TMEM47: variants seen among roughly 807,000 people sequenced by gnomAD.
TMEM47 encodes the protein transmembrane protein 47.
A neutral mutation model predicts 12.4 loss-of-function variants in TMEM47; 3 were observed. The observed-to-expected ratio is 0.24, with a 90% CI of 0.11 to 0.63. The LOEUF is 0.63. Among genes scored for constraint, TMEM47 ranks in the 20% least tolerant of loss-of-function variants. The pLI is 0.86. For synonymous variants in TMEM47, 62 were observed against 63.3 expected (o/e 0.98, Z 0.10); for missense variants, 89 against 143.8 (o/e 0.62, Z 1.95).
chrX:34,655,415 A>T (rs181044079), intron 1 of TMEM47, among the ~76,000 whole-genome samples: 18 of 111,965 alleles, frequency 1.6e-4, no homozygotes, highest in Admixed American at 7.6e-4. Flanking sequence ...CCCTGAAAGA[A>T]TTGAAGGACC....
chrX:34,637,845 G>A (rs1373551088), intron 2 of TMEM47, among the ~76,000 whole-genome samples: 1 of 110,449 alleles, frequency 9.1e-6, no homozygotes, highest in Non-Finnish European at 1.9e-5. Flanking sequence ...CACATGTCTC[G>A]GCAGAAAAAG....
intron 1 of TMEM47, among the ~76,000 whole-genome samples, chrX:34,642,874 T>C (rs962685257): frequency 1.8e-5 from 2 of 112,381 alleles, no homozygotes; most frequent in South Asian, 7.4e-4. Context: ...GTTGTCATTA[T>C]ATCCATTTGG....
At chrX:34,649,828 C>T (rs558813970) in intron 1 of TMEM47, among the ~76,000 whole-genome samples, 2 of 111,668 alleles carry the variant, frequency 1.8e-5, no homozygotes, top group South Asian at 7.7e-4. Flanking sequence ...CGGGTTCAAG[C>T]GATTCTCCTG....
At chrX:34,648,701 G>T (rs1921960097) in intron 1 of TMEM47, among the ~76,000 whole-genome samples, 1 of 111,699 alleles carries the variant, frequency 9.0e-6, no homozygotes, top group East Asian at 2.8e-4. Context: ...TTGAAAAATT[G>T]GATAAATTAA....
Position 34,630,356 on chromosome X carries a change from A to G in TMEM47, c.503T>C (p.Ile168Thr). The G allele has an allele frequency of 8.3e-7, 1 of 1,210,575 alleles. No individual in the cohort carries two copies. Among genetic ancestry groups the G allele is most frequent in the Non-Finnish European group, 1.1e-6 (1 of 894,986 alleles). Residue 168 changes from isoleucine to threonine, a missense_variant, in exon 3 of 3, where the codon ATC (isoleucine) becomes ACC (threonine). Coordinates refer to ENST00000275954, the MANE Select transcript of TMEM47 (RefSeq NM_031442.4). ...GTTCTTAGGGTTCAGGCAATAAAGG[A>G]TGGCACCCCCAAACGAAAATATAGT... ...GATIFSFGGA[I>T]LYCLNPKNYE...
At chrX:34,648,288 T>C (rs948211164) in intron 1 of TMEM47, among the ~76,000 whole-genome samples, 37 of 111,820 alleles carry the variant, frequency 3.3e-4, no homozygotes, top group African/African-American at 1.0e-3. Context: ...CTTCAAACTA[T>C]ACAACAGGGC....
chrX:34,634,648 T>C lies in TMEM47; in HGVS notation c.368-4157A>G, dbSNP rs779430602. 2.8e-3 allele frequency among the ~76,000 whole-genome samples: 309 copies of C among 112,231 alleles called. 2 individuals are homozygous for C. The highest frequency in any genetic ancestry group is 9.3e-3 in the African/African-American group (288 of 30,897). On this transcript the variant is annotated intron_variant, in intron 2 of 2. Transcript: ENST00000275954. Reference sequence around the variant, plus strand: ...TATAATATGTTCAACACACATTTACTGAGCTCAAACATTGTGCCAAGTACT... The same window carrying C: ...TATAATATGTTCAACACACATTTACCGAGCTCAAACATTGTGCCAAGTACT...
At chrX:34,644,718 T>C (rs1921879233) in intron 1 of TMEM47, among the ~76,000 whole-genome samples, 2 of 111,975 alleles carry the variant, frequency 1.8e-5, no homozygotes, top group Admixed American at 9.5e-5. Flanking sequence ...AAACAAGTTT[T>C]TAACCTCATA....
At chrX:34,642,649 C>T (rs1232446147) in intron 1 of TMEM47, among the ~76,000 whole-genome samples, 1 of 112,125 alleles carries the variant, frequency 8.9e-6, no homozygotes, top group Non-Finnish European at 1.9e-5. Flanking sequence ...GATGTAAAGT[C>T]AACAAGGAGA....
At chrX:34,648,219 C>T (rs923951197) in intron 1 of TMEM47, among the ~76,000 whole-genome samples, 3 of 111,629 alleles carry the variant, frequency 2.7e-5, no homozygotes, top group East Asian at 2.8e-4. Flanking sequence ...AAAAAGAGCC[C>T]GAATAGCAAA....
chrX:34,656,656 G>C, intron 1 of TMEM47, 148 bp downstream of exon 1: 1 of 1,037,816 alleles, frequency 9.6e-7, no homozygotes. Flanking sequence ...GGTGGCGGGA[G>C]CCCCAGGATC....
chrX:34,657,141 G>T lies in TMEM47; in HGVS notation c.-112C>A. 1 of 1,029,805 alleles carries T rather than the reference G, an allele frequency of 9.7e-7. No homozygotes were observed. Among genetic ancestry groups the T allele is most frequent in the Non-Finnish European group, 1.2e-6 (1 of 810,230 alleles). 84.9% of individuals were successfully genotyped at this position (1,029,805 alleles called of 1,213,427 possible). A position where few individuals can be genotyped will look rare whatever the true frequency, so the allele number is the denominator to read the frequency against. ...AAGCCGCCGAGCTGCCACGCGCGGG[G>T]ACTCGCTCCCTCGGGGCTCTGCGCG... On this transcript the variant is annotated 5_prime_UTR_variant, in exon 1 of 3. Transcript: ENST00000275954.
chrX:34,655,777 A>T (rs1444732215), intron 1 of TMEM47, among the ~76,000 whole-genome samples: 4 of 93,806 alleles, frequency 4.3e-5, no homozygotes, highest in Non-Finnish European at 6.3e-5. Flanking sequence ...TGTGTGTGTG[A>T]GAGAGAGAGA....
chrX:34,630,131 T>C lies in TMEM47; in HGVS notation c.*182A>G. On this transcript the variant is annotated 3_prime_UTR_variant, in exon 3 of 3. Transcript: ENST00000275954. ...AATCAGCTCTCTTAATTTGTGCAGA[T>C]TTCTAAAATGGATGTAAAAGCTGGT... The C allele has an allele frequency of 4.9e-6, 2 of 404,374 alleles. No homozygotes were observed. Among genetic ancestry groups the C allele is most frequent in the South Asian group, 7.2e-5 (1 of 13,918 alleles). 33.3% of individuals were successfully genotyped at this position (404,374 alleles called of 1,213,427 possible).
chrX:34,645,414 C>A (rs1015720459), intron 1 of TMEM47, among the ~76,000 whole-genome samples: 1 of 111,921 alleles, frequency 8.9e-6, no homozygotes, highest in South Asian at 3.7e-4. Flanking sequence ...GGATAGGAAG[C>A]CTGTATCCTC....
At chrX:34,633,345 G>A in intron 2 of TMEM47, among the ~76,000 whole-genome samples, 1 of 111,449 alleles carries the variant, frequency 9.0e-6, no homozygotes, top group Non-Finnish European at 1.9e-5. Flanking sequence ...TGAATGAATT[G>A]GGGGTGCAGA....
At chrX:34,636,691 A>C (rs971450085) in intron 2 of TMEM47, among the ~76,000 whole-genome samples, 1 of 111,972 alleles carries the variant, frequency 8.9e-6, no homozygotes, top group African/African-American at 3.2e-5. Context: ...AAATGTGCAC[A>C]ACTTTCATTA....
Position 34,633,383 on chromosome X carries a change from A to G in TMEM47, c.368-2892T>C, listed in dbSNP as rs960009155. Among the ~76,000 whole-genome samples, 8 of 111,134 alleles carry G rather than the reference A, an allele frequency of 7.2e-5. No homozygotes were observed. The Admixed American group carries it at 7.7e-4, about 11-fold the overall frequency. The stretch of plus-strand genomic sequence containing the variant: ...AACATAGTGGGGACTGAGCATTCCC[A>G]CGTGAAAGGCATAGGCACTGCAAAA... On this transcript the variant is annotated intron_variant, in intron 2 of 2. Transcript: ENST00000275954.
chrX:34,640,695 A>G (rs1252376527), intron 1 of TMEM47, among the ~76,000 whole-genome samples: 2 of 111,832 alleles, frequency 1.8e-5, no homozygotes, highest in African/African-American at 6.5e-5. Flanking sequence ...CCCCCCAGAA[A>G]GCTTCCAAAA....
Sources: gnomAD v4.1 joint callset for allele counts (sites outside exome capture counted in the v4.1 genomes callset) on GRCh38, gnomAD v4.1.1 for gene constraint, MANE v1.5 for transcripts, NCBI Gene and HGNC (gene_info 2026-07-23, HGNC 2026-07-21) for gene names.